Variants in GFI1B observed in about 807,000 individuals in gnomAD.
GFI1B encodes growth factor independent 1B transcriptional repressor.
In GFI1B, 20 loss-of-function variants were observed where a neutral mutation model predicts 35.3. The observed-to-expected ratio is 0.57, with a 90% CI of 0.40 to 0.82. GFI1B has a LOEUF of 0.82. Among genes scored for constraint, GFI1B ranks in the 40% least tolerant of loss-of-function variants. The probability of loss-of-function intolerance (pLI) is 0.00; values close to 1 mark genes in which losing one functional copy is unlikely to be tolerated. For missense variants in GFI1B, 430 were observed against 446.3 expected (o/e 0.96, Z 0.33); for synonymous variants, 178 against 177.6 (o/e 1.00, Z -0.02).
chr9:132,989,110 G>C lies in GFI1B; in HGVS notation c.560G>C (p.Ser187Thr). Residue 187 changes from serine to threonine, a missense_variant, in exon 5 of 7, where the codon AGT (serine) becomes ACT (threonine). Transcript: ENST00000372122. This position sits in a 1 kb window ranked among gnomAD's most constrained non-coding sequence, Gnocchi z 6.2. ...GLEVHVRRSH[S>T]GTRPFACDIC... is the part of the protein sequence containing the mutation. ...GAAGTGCATGTGCGACGCTCCCATA[G>C]TGGGACCCGGCCCTTCGCCTGTGAC... 1 of 1,614,042 alleles carries C rather than the reference G, an allele frequency of 6.2e-7. No individual in the cohort carries two copies. The highest frequency in any genetic ancestry group is 1.1e-5 in the South Asian group (1 of 91,086).
At chr9:132,973,363 C>T (rs757325169) in intron 2 of GFI1B, among the ~76,000 whole-genome samples, 1 of 152,258 alleles carries the variant, frequency 6.6e-6, no homozygotes, top group Non-Finnish European at 1.5e-5. Context: ...CCGGCCTCAG[C>T]AGTGGTGGTT....
In GFI1B at chr9:132,987,321, G is replaced by A. The variant is rs1443015063; in HGVS notation, c.140G>A (p.Ser47Asn). ...DQAPSNSPVL[S>N]TLFPNQCLDW... is the part of the protein sequence containing the mutation. ...GCTCCAAGCAACAGCCCTGTCCTTA[G>A]CACTCTATTCCCAAACCAGTGCCTG... The change falls in exon 3 of 7, where the codon AGC becomes AAC. Residue 47 changes from serine (S) to asparagine (N), a missense_variant. Physicochemically the swap from Ser to Asn is conservative, Grantham distance 46. Transcript: ENST00000372122. The A allele has an allele frequency of 6.2e-7, 1 of 1,614,076 alleles. No homozygotes were observed. Among genetic ancestry groups the A allele is most frequent in the Non-Finnish European group, 8.5e-7 (1 of 1,180,010 alleles).
upstream of GFI1B, among the ~76,000 whole-genome samples, chr9:132,975,676 CAT>C: frequency 6.6e-6 from 1 of 152,188 alleles, no homozygotes; most frequent in Non-Finnish European, 1.5e-5. Flanking sequence ...ACTCGATACA[CAT>C]GTGTTACATA....
intron 2 of GFI1B, 30 bp from the exon 3 acceptor site, chr9:132,987,252 A>G: frequency 1.2e-6 from 2 of 1,610,898 alleles, no homozygotes; most frequent in Non-Finnish European, 8.5e-7. Context: ...AACCGTGGCT[A>G]TTGATGCTGA....
rs1564180483 is a variant in GFI1B, at chr9:132,989,919, T to A, written c.814+12T>A. 6 of 1,613,102 alleles carry A rather than the reference T, an allele frequency of 3.7e-6. No homozygotes were observed. The highest frequency in any genetic ancestry group is 5.1e-6 in the Non-Finnish European group (6 of 1,179,136). On this transcript the variant is annotated intron_variant, in intron 6 of 6. Coordinates refer to ENST00000372122, the MANE Select transcript of GFI1B (RefSeq NM_001377304.1). This position sits in a 1 kb window ranked among gnomAD's most constrained non-coding sequence, Gnocchi z 6.2. ...CTACATCCACACAGGTGAGTGAGTC[T>A]CACCTGCCTGTGCCCCCTGGGCAGA... is the stretch of plus-strand genomic sequence containing the variant.
Position 132,984,121 on chromosome 9 carries a change from C to CA in GFI1B, c.-20-2532dup, listed in dbSNP as rs1469465469. Among the ~76,000 whole-genome samples, 6 of 152,184 alleles carry CA rather than the reference C, an allele frequency of 3.9e-5. No homozygotes were observed. The South Asian group carries it at 8.3e-4, about 21-fold the overall frequency. On this transcript the variant is annotated intron_variant, in intron 1 of 6. Transcript: ENST00000372122. ...TTGATTTCCTCATAAATATTATGCG[C>CA]AAAAAAGGATCATCTTTTGATATTT...
rs681470 is a variant in GFI1B, at chr9:132,989,972, A to T, written c.814+65A>T. 3 of 1,420,004 alleles carry T rather than the reference A, an allele frequency of 2.1e-6. No individual in the cohort carries two copies. Among genetic ancestry groups the T allele is most frequent in the Non-Finnish European group, 3.0e-6 (3 of 1,007,592 alleles). 88.0% of individuals were successfully genotyped at this position (1,420,004 alleles called of 1,614,324 possible). On this transcript the variant is annotated intron_variant, in intron 6 of 6. Transcript: ENST00000372122. This position sits in a 1 kb window ranked among gnomAD's most constrained non-coding sequence, Gnocchi z 6.2. The stretch of plus-strand genomic sequence containing the variant: ...ACCCCCACCTTTCCCTGAGAGATGC[A>T]TCAGAGGCCCCCAGCGTGAGGCTGG...
upstream of GFI1B, among the ~76,000 whole-genome samples, chr9:132,976,239 A>G (rs1159018131): frequency 6.6e-6 from 1 of 152,220 alleles, no homozygotes; most frequent in East Asian, 1.9e-4. Context: ...ACCATTAAAG[A>G]TGTCAATAAA....
At chr9:132,950,037 A>G (rs1848177153) in intron 1 of GFI1B, among the ~76,000 whole-genome samples, 1 of 152,112 alleles carries the variant, frequency 6.6e-6, no homozygotes, top group Non-Finnish European at 1.5e-5. Flanking sequence ...ACTTGACCCC[A>G]GAATGTTGAA....
chr9:132,989,990 G>C lies in GFI1B; in HGVS notation c.814+83G>C. On this transcript the variant is annotated intron_variant, in intron 6 of 6. Transcript: ENST00000372122. The surrounding 1 kb of genome is among the most constrained non-coding windows in gnomAD (Gnocchi z 6.2). ...GAGATGCATCAGAGGCCCCCAGCGT[G>C]AGGCTGGGGGCGGGGTCTAGTTACA... 1.4e-5 allele frequency: 17 copies of C among 1,232,802 alleles called. No individual in the cohort carries two copies. The highest frequency in any genetic ancestry group is 3.8e-5 in the Admixed American group (2 of 52,462). The allele number at this position is 1,232,802 out of a possible 1,614,324, so 76.4% of individuals were successfully genotyped here.
At chr9:132,981,503 T>A (rs1359226339) in intron 1 of GFI1B, among the ~76,000 whole-genome samples, 2 of 152,078 alleles carry the variant, frequency 1.3e-5, no homozygotes, top group Non-Finnish European at 2.9e-5. Flanking sequence ...CCAACTGTGG[T>A]GGTGCATGCC....
chr9:132,977,413 AG>A (rs1245300779), upstream of GFI1B, among the ~76,000 whole-genome samples: 2 of 152,150 alleles, frequency 1.3e-5, no homozygotes, highest in Admixed American at 1.3e-4. Flanking sequence ...CTGGTGCTCC[AG>A]GGCTGGCCCA....
chr9:132,985,703 G>A (rs3789259), intron 1 of GFI1B, among the ~76,000 whole-genome samples: 1 of 152,314 alleles, frequency 6.6e-6, no homozygotes, highest in Middle Eastern at 3.4e-3. Flanking sequence ...CACCTGTGAT[G>A]CACCTGTCAG....
upstream of GFI1B, among the ~76,000 whole-genome samples, chr9:132,976,776 T>C (rs1438753551): frequency 1.3e-5 from 2 of 151,664 alleles, no homozygotes; most frequent in Non-Finnish European, 2.9e-5. Flanking sequence ...AGACCCCATC[T>C]CTAAAAAAAA....
intron 1 of GFI1B, among the ~76,000 whole-genome samples, chr9:132,981,830 G>A (rs1054591720): frequency 4.0e-5 from 6 of 151,858 alleles, no homozygotes; most frequent in South Asian, 2.1e-4. Context: ...TGGGCTCACC[G>A]CAACCTCCGC....
At chr9:132,957,840 A>G (rs1049891851) in intron 1 of GFI1B, among the ~76,000 whole-genome samples, 8 of 152,188 alleles carry the variant, frequency 5.3e-5, no homozygotes, top group African/African-American at 1.9e-4. Context: ...CATGCTGGGG[A>G]AAGAGAGGCA....
At position 132,990,978 on chromosome 9, in the gene GFI1B, G is replaced by A; in HGVS notation, c.921G>A (p.Glu307=). The change falls in exon 7 of 7, where the codon GAG becomes GAA. Residue 307 remains glutamate, a synonymous_variant. Coordinates refer to ENST00000372122, the MANE Select transcript of GFI1B (RefSeq NM_001377304.1). ...CAGGCTTCAAGCCCTTCAGCTGTGA[G>A]CTGTGCACCAAAGGCTTCCAGCGCA... is the stretch of plus-strand genomic sequence containing the variant. ...KHTGFKPFSC[E]LCTKGFQRKV... The A allele has an allele frequency of 6.2e-7, 1 of 1,614,210 alleles. No individual in the cohort carries two copies. Among genetic ancestry groups the A allele is most frequent in the Non-Finnish European group, 8.5e-7 (1 of 1,180,000 alleles).
intron 1 of GFI1B, chr9:132,947,074 C>G (rs1215810279): frequency 1.3e-5 from 2 of 152,316 alleles, no homozygotes; most frequent in Non-Finnish European, 2.9e-5. Flanking sequence ...CTATTCAGAC[C>G]ACTACCTTCC....
chr9:132,988,498 G>T, intron 4 of GFI1B, 30 bp downstream of exon 4: 1 of 1,604,428 alleles, frequency 6.2e-7, no homozygotes. Flanking sequence ...GTGGGCACCT[G>T]GGCCCTCCTC....
Sources: allele counts gnomAD v4.1 joint callset (sites outside exome capture counted in the v4.1 genomes callset), GRCh38; gene constraint gnomAD v4.1.1; non-coding constraint Gnocchi (gnomAD v3.1); transcripts MANE v1.5; gene names NCBI Gene and HGNC (gene_info 2026-07-23, HGNC 2026-07-21).